The following DDB1 variants were observed in gnomAD, a reference collection of about 807,000 sequenced individuals.
DDB1 encodes damage specific DNA binding protein 1, also known as DNA damage-binding protein 1.
Under a neutral mutation model 133.1 loss-of-function variants are expected in DDB1, and 18 were observed. That is an observed-to-expected ratio of 0.14 (90% CI 0.09 to 0.20). The LOEUF is 0.20. DDB1 is among the 10% of genes least tolerant of loss of function. The pLI, the probability that DDB1 is intolerant of heterozygous loss-of-function variation, is 1.00. For synonymous variants in DDB1, 580 were observed against 550.5 expected, an observed-to-expected ratio of 1.05 and a Z score of -0.75; for missense variants, 828 against 1,459.2, an observed-to-expected ratio of 0.57 and a Z score of 7.05.
At position 61,329,483 on chromosome 11, in the gene DDB1, A is replaced by G. The variant is rs1473288969; in HGVS notation, c.429T>C (p.Ile143=). 6.2e-7 allele frequency: 1 copy of G among 1,614,172 alleles called. No homozygotes were observed. Among genetic ancestry groups the G allele is most frequent in the Admixed American group, 1.7e-5 (1 of 60,024 alleles). ...LRLYDGLFKV[I]PLDRDNKELK... ...GTTCTTTATTATCGCGATCTAGTGG[A>G]ATAACCTTGAAAAGGCCATCATAGA... Residue 143 remains isoleucine, a synonymous_variant, in exon 4 of 27, where the codon ATT becomes ATC. Coordinates refer to ENST00000301764, the MANE Select transcript of DDB1 (RefSeq NM_001923.5).
chr11:61,312,159 G>T (rs967660115), intron 16 of DDB1, 75 bp from the exon 17 acceptor site: 1 of 1,338,228 alleles, frequency 7.5e-7, no homozygotes, highest in Non-Finnish European at 1.1e-6. Flanking sequence ...CTCCACAGAG[G>T]AAGAAAAACA....
intron 8 of DDB1, 28 bp from the exon 9 acceptor site, chr11:61,322,440 G>C (rs1240049862): frequency 6.4e-7 from 1 of 1,566,422 alleles, no homozygotes; most frequent in Non-Finnish European, 8.8e-7. Flanking sequence ...TGTTATGTTA[G>C]TCCTAGAACA....
rs1415081090 is a variant in DDB1, at chr11:61,329,401, A to G, written c.511T>C (p.Tyr171His). 1.9e-6 allele frequency: 3 copies of G among 1,614,102 alleles called. No homozygotes were observed. The East Asian group carries it at 6.7e-5, about 36-fold the overall frequency. Reference sequence around the variant, plus strand: ...CAAATAGTAGGTGCTTGGCAACCATATAGGAACTTGACATCAATGACATGC... The same window carrying G: ...CAAATAGTAGGTGCTTGGCAACCATGTAGGAACTTGACATCAATGACATGC... ...ELHVIDVKFL[Y>H]GCQAPTICFV... The change falls in exon 4 of 27, where the codon TAT (tyrosine) becomes CAT (histidine). Residue 171 changes from tyrosine (Y) to histidine (H), a missense_variant. This residue lies in a region of DDB1 where 210 missense variants were observed against 344.8 expected (regional missense o/e 0.61). Coordinates refer to ENST00000301764, the MANE Select transcript of DDB1 (RefSeq NM_001923.5).
At chr11:61,325,559 T>C in intron 6 of DDB1, 52 bp downstream of exon 6, 1 of 1,464,906 alleles carries the variant, frequency 6.8e-7, no homozygotes. Flanking sequence ...AGGAGCAAGG[T>C]GAGGACAAGG....
intron 12 of DDB1, 78 bp from the exon 13 acceptor site, chr11:61,314,564 G>A: frequency 2.1e-6 from 3 of 1,402,186 alleles, no homozygotes; most frequent in Non-Finnish European, 2.9e-6. Flanking sequence ...GGTAAATGCA[G>A]CCCTAATAGA....
Position 61,322,352 on chromosome 11 carries a change from A to G in DDB1, c.1066T>C (p.Leu356=). Reference sequence around the variant, plus strand: ...ACGCACATATCGACAATGGGTCCTAAGTTGGTAAAGGTTTCCATGGCCACT... The same window carrying G: ...ACGCACATATCGACAATGGGTCCTAGGTTGGTAAAGGTTTCCATGGCCACT... ...YVVAMETFTN[L]GPIVDMCVVD... Residue 356 remains leucine (L), a synonymous_variant, in exon 9 of 27, where the codon TTA becomes CTA. Transcript: ENST00000301764. The G allele has an allele frequency of 6.2e-7, 1 of 1,614,164 alleles. No homozygotes were observed. The highest frequency in any genetic ancestry group is 1.1e-5 in the South Asian group (1 of 91,078).
At chr11:61,302,855 C>T in intron 23 of DDB1, 104 bp from the exon 24 acceptor site, 1 of 1,453,782 alleles carries the variant, frequency 6.9e-7, no homozygotes, top group Non-Finnish European at 9.5e-7. Context: ...CCCTGGGGAG[C>T]TGACATACTC....
intron 21 of DDB1, 138 bp downstream of exon 21, chr11:61,308,845 A>C: frequency 5.0e-6 from 4 of 799,192 alleles, no homozygotes; most frequent in South Asian, 4.8e-5. Flanking sequence ...TTCTCAACTC[A>C]GAGCTCTATC....
chr11:61,306,077 A>C (rs1407836899), intron 21 of DDB1, among the ~76,000 whole-genome samples: 1 of 152,176 alleles, frequency 6.6e-6, no homozygotes, highest in Non-Finnish European at 1.5e-5. Context: ...TACATCGCTC[A>C]TATAATATTT....
intron 10 of DDB1, among the ~76,000 whole-genome samples, chr11:61,317,849 C>A (rs1475997497): frequency 6.6e-6 from 1 of 152,106 alleles, no homozygotes; most frequent in East Asian, 1.9e-4. Context: ...CATTCCCATA[C>A]CTCCCTCCAA....
intron 21 of DDB1, among the ~76,000 whole-genome samples, chr11:61,305,568 T>C (rs1006494634): frequency 1.3e-5 from 2 of 152,138 alleles, no homozygotes; most frequent in Non-Finnish European, 2.9e-5. Flanking sequence ...AAAAGGTACC[T>C]CCAGAGTGCC....
chr11:61,312,224 C>T lies in DDB1; in HGVS notation c.2070-140G>A, dbSNP rs1855984794. ...GCTAAACATCACCTGGAGAGACAGA[C>T]AATTCTGATTCCTGGTCCCATCCAC... On this transcript the variant is annotated intron_variant, in intron 16 of 26. Transcript: ENST00000301764. The T allele has an allele frequency of 4.3e-6, 3 of 702,516 alleles. No homozygotes were observed. In the East Asian group the frequency reaches 8.0e-5, roughly 19 times the overall value. The allele number at this position is 702,516 out of a possible 1,614,324, so 43.5% of individuals were successfully genotyped here. A position where few individuals can be genotyped will look rare whatever the true frequency, so the allele number is the denominator to read the frequency against.
intron 7 of DDB1, 114 bp downstream of exon 7, chr11:61,323,865 T>C (rs937949725): frequency 1.7e-6 from 2 of 1,151,582 alleles, no homozygotes; most frequent in Non-Finnish European, 2.6e-6. Context: ...GAACAACAGT[T>C]TGTTGTTAGG....
At chr11:61,310,157 T>C in intron 19 of DDB1, 138 bp downstream of exon 19, 1 of 1,395,696 alleles carries the variant, frequency 7.2e-7, no homozygotes, top group Non-Finnish European at 9.8e-7. Context: ...CACTGCCATC[T>C]CACAGAATTC....
Position 61,311,843 on chromosome 11 carries a change from T to C in DDB1, c.2218A>G (p.Ile740Val), listed in dbSNP as rs776344314. The change falls in exon 18 of 27, where the codon ATT (isoleucine) becomes GTT (valine). Residue 740 changes from isoleucine to valine, a missense_variant. Around this residue, in one of 7 missense-constraint regions of DDB1, gnomAD observed 396 missense variants for 554.1 expected, o/e 0.71. Transcript: ENST00000301764. The part of the protein sequence containing the change: ...SQCFGVLSSR[I>V]EVQDTSGGTT... ...CCCCCACTCGTGTCTTGGACTTCAA[T>C]GCGGCTGGAGAGGACCCCGAAACAC... 43 of 1,614,002 alleles carry C rather than the reference T, an allele frequency of 2.7e-5. No homozygotes were observed. Among genetic ancestry groups the C allele is most frequent in the Middle Eastern group, 1.6e-4 (1 of 6,080 alleles).
chr11:61,314,233 G>C lies in DDB1; in HGVS notation c.1590-23C>G, dbSNP rs368247020. ...TGGCTGAACAAAGAAGAATATGGCA[G>C]AGGAAGGAATCCAAGGCTCAAAGAA... On this transcript the variant is annotated intron_variant, in intron 13 of 26. Transcript: ENST00000301764. 7 of 1,591,802 alleles carry C rather than the reference G, an allele frequency of 4.4e-6. No homozygotes were observed. The African/African-American group carries it at 8.1e-5, about 18-fold the overall frequency.
At position 61,314,152 on chromosome 11, in the gene DDB1, T is replaced by C. The variant is rs759139291; in HGVS notation, c.1648A>G (p.Asn550Asp). Reference sequence around the variant, plus strand: ...ATGGCACAAAGAGGGGACAGTCCATTGCTGTCTCCTAATGGGGTGATGTCC... The same window carrying C: ...ATGGCACAAAGAGGGGACAGTCCATCGCTGTCTCCTAATGGGGTGATGTCC... ...CLDITPLGDS[N>D]GLSPLCAIGL... Residue 550 changes from asparagine to aspartate, a missense_variant, in exon 14 of 27, where the codon AAT (asparagine) becomes GAT (aspartate). Coordinates refer to ENST00000301764, the MANE Select transcript of DDB1 (RefSeq NM_001923.5). The C allele has an allele frequency of 6.2e-7, 1 of 1,613,836 alleles. No individual in the cohort carries two copies. Among genetic ancestry groups the C allele is most frequent in the Admixed American group, 1.7e-5 (1 of 60,002 alleles).
chr11:61,323,838 G>A, intron 7 of DDB1, 141 bp downstream of exon 7: 1 of 894,420 alleles, frequency 1.1e-6, no homozygotes, highest in South Asian at 1.6e-5. Context: ...TCATTCAACA[G>A]TCAACTTCCA....
chr11:61,332,011 G>A (rs1856386263), intron 1 of DDB1: 2 of 231,406 alleles, frequency 8.6e-6, no homozygotes, highest in Non-Finnish European at 1.7e-5. Flanking sequence ...TACAGTTACA[G>A]TGGCAGGCTC....
Sources: gnomAD v4.1 joint callset for allele counts (sites outside exome capture counted in the v4.1 genomes callset) on GRCh38, gnomAD v4.1.1 for gene constraint, gnomAD v4.1.1 regional missense constraint, MANE v1.5 for transcripts, NCBI Gene and HGNC (gene_info 2026-07-23, HGNC 2026-07-21) for gene names.